UBE2N: variants seen among roughly 807,000 people sequenced by gnomAD.
The protein encoded by UBE2N is ubiquitin-conjugating enzyme E2 N.
For synonymous variants in UBE2N, 70 were observed against 69.2 expected (o/e 1.01, Z -0.06); for missense variants, 60 against 192.1 (o/e 0.31, Z 4.07).
chr12:93,409,553 T>G lies in UBE2N; in HGVS notation c.*486A>C, dbSNP rs937016882. ...AGCTTGTCCATCTACAGCGTCTAAA[T>G]AAAGTTAGACTTGGCTAGAGCATAT... On this transcript the variant is annotated 3_prime_UTR_variant, in exon 4 of 4. Coordinates refer to ENST00000318066, the MANE Select transcript of UBE2N (RefSeq NM_003348.4). 6.0e-6 allele frequency: 1 copy of G among 167,408 alleles called. No homozygotes were observed. The highest frequency in any genetic ancestry group is 2.4e-5 in the African/African-American group (1 of 41,384). The allele number at this position is 167,408 out of a possible 1,614,324, so 10.4% of individuals were successfully genotyped here.
chr12:93,427,335 C>T (rs73366061), intron 1 of UBE2N, among the ~76,000 whole-genome samples: 2,897 of 152,322 alleles, frequency 0.019, 99 homozygotes, highest in African/African-American at 0.067. Flanking sequence ...TACAGATTAC[C>T]TATCTCCTAA....
At chr12:93,415,974 A>G (rs1233699751) in intron 1 of UBE2N, among the ~76,000 whole-genome samples, 2 of 152,252 alleles carry the variant, frequency 1.3e-5, no homozygotes, top group Non-Finnish European at 2.9e-5. Context: ...TAAAGAATGT[A>G]CATATTAAGC....
At chr12:93,435,109 T>C (rs1878895278) in intron 1 of UBE2N, among the ~76,000 whole-genome samples, 1 of 152,114 alleles carries the variant, frequency 6.6e-6, no homozygotes, top group South Asian at 2.1e-4. Flanking sequence ...TTCTGAAACA[T>C]CATGGTAACT....
intron 1 of UBE2N, among the ~76,000 whole-genome samples, chr12:93,413,070 G>A (rs1490330366): frequency 6.6e-6 from 1 of 152,132 alleles, no homozygotes; most frequent in Non-Finnish European, 1.5e-5. Context: ...CTTCTGTCTT[G>A]AACATACCCT....
At chr12:93,429,386 GTC>G (rs1878689431) in intron 1 of UBE2N, 1 of 393,240 alleles carries the variant, frequency 2.5e-6, no homozygotes, top group African/African-American at 2.1e-5. Flanking sequence ...TTTAAAATTA[GTC>G]TGATTCAGTG....
intron 3 of UBE2N, 160 bp downstream of exon 3, chr12:93,410,574 C>T: frequency 1.8e-6 from 2 of 1,113,784 alleles, no homozygotes; most frequent in Non-Finnish European, 2.5e-6. Context: ...GGTCCCATAG[C>T]AAGCCATTTT....
chr12:93,438,916 T>C (rs1204790980), intron 1 of UBE2N, among the ~76,000 whole-genome samples: 1 of 152,198 alleles, frequency 6.6e-6, no homozygotes. Context: ...GACAGGGGAA[T>C]GTTACACTAA....
rs993226790 is a variant in UBE2N at position 93,434,886 on chromosome 12, G to A, written c.30+6969C>T. On this transcript the variant is annotated intron_variant, in intron 1 of 3. Coordinates refer to ENST00000318066, the MANE Select transcript of UBE2N (RefSeq NM_003348.4). ...AACAAATCTGTCTTCATCATAATGA[G>A]TTTGTATTTATTTATTTATTTATTT... Among the ~76,000 whole-genome samples, 8 of 150,830 alleles carry A rather than the reference G, an allele frequency of 5.3e-5. No homozygotes were observed. In the South Asian group the frequency reaches 6.2e-4, roughly 12 times the overall value.
chr12:93,414,448 CAAAA>C (rs398020640), intron 1 of UBE2N, among the ~76,000 whole-genome samples: 31 of 73,988 alleles, frequency 4.2e-4, no homozygotes, highest in African/African-American at 1.1e-3. Context: ...AGCTCCGTCT[CAAAA>C]AAAAAAAAAA....
rs953369961 is a variant in UBE2N at position 93,409,032 on chromosome 12, A to G, written c.*1007T>C. On this transcript the variant is annotated 3_prime_UTR_variant, in exon 4 of 4. Transcript: ENST00000318066. Reference sequence around the variant, plus strand: ...TTTGCTGTGACTTTCCTGTACAGTAATTTTTAAACATTGTGGCAAGACACC... The same window carrying G: ...TTTGCTGTGACTTTCCTGTACAGTAGTTTTTAAACATTGTGGCAAGACACC... 3 of 152,668 alleles carry G rather than the reference A, an allele frequency of 2.0e-5. No homozygotes were observed. Among genetic ancestry groups the G allele is most frequent in the Non-Finnish European group, 2.9e-5 (2 of 68,044 alleles). The allele number at this position is 152,668 out of a possible 1,614,324, so 9.5% of individuals were successfully genotyped here. A position where few individuals can be genotyped will look rare whatever the true frequency, so the allele number is the denominator to read the frequency against.
intron 1 of UBE2N, among the ~76,000 whole-genome samples, chr12:93,423,445 C>A (rs189885285): frequency 1.4e-3 from 213 of 152,174 alleles, no homozygotes; most frequent in Non-Finnish European, 2.2e-3. Flanking sequence ...TAAATGAAGT[C>A]AAAAGAGGAG....
intron 1 of UBE2N, among the ~76,000 whole-genome samples, chr12:93,434,060 AG>A (rs776638444): frequency 2.0e-5 from 3 of 152,218 alleles, no homozygotes; most frequent in Non-Finnish European, 2.9e-5. Context: ...TAGGAGGCCG[AG>A]GTGGGTGGAT....
chr12:93,411,013 A>G (rs1878017830), intron 2 of UBE2N, 40 bp downstream of exon 2: 1 of 1,614,016 alleles, frequency 6.2e-7, no homozygotes, highest in Non-Finnish European at 8.5e-7. Context: ...AAAAAGGAGA[A>G]AGCTTAATAA....
Position 93,411,180 on chromosome 12 carries a change from C to G in UBE2N, c.150G>C (p.Gly50=). The change falls in exon 2 of 4, where the codon GGG becomes GGC. Residue 50 remains glycine, a synonymous_variant. Coordinates refer to ENST00000318066, the MANE Select transcript of UBE2N (RefSeq NM_003348.4). ...GAAGGAATAGTTCAAGTTTAAAAGTCCCTCCCTCAAAGGGGGAATCCTGAG... is the reference window on the plus strand; with the variant it reads ...GAAGGAATAGTTCAAGTTTAAAAGTGCCTCCCTCAAAGGGGGAATCCTGAG... ...AGPQDSPFEG[G]TFKLELFLPE... is the part of the protein sequence containing the mutation. 1.2e-6 allele frequency: 2 copies of G among 1,614,174 alleles called. No individual in the cohort carries two copies. Among genetic ancestry groups the G allele is most frequent in the Non-Finnish European group, 1.7e-6 (2 of 1,180,026 alleles).
At chr12:93,425,200 T>G (rs917829112) in intron 1 of UBE2N, among the ~76,000 whole-genome samples, 1 of 152,176 alleles carries the variant, frequency 6.6e-6, no homozygotes, top group African/African-American at 2.4e-5. Flanking sequence ...AAGCTAATAT[T>G]TGGCAGAGCT....
At position 93,441,886 on chromosome 12, in the gene UBE2N, T is replaced by C. The variant is rs1879128824; in HGVS notation, c.-2A>G. The C allele has an allele frequency of 1.9e-6, 3 of 1,578,990 alleles. No homozygotes were observed. The highest frequency in any genetic ancestry group is 2.3e-5 in the South Asian group (2 of 87,492). On this transcript the variant is annotated 5_prime_UTR_variant, in exon 1 of 4. Coordinates refer to ENST00000318066, the MANE Select transcript of UBE2N (RefSeq NM_003348.4). The stretch of plus-strand genomic sequence containing the variant: ...GATCCTGCGGGGCAGCCCGGCCATC[T>C]TGTCAGAACCCGAGTTCGGCCTCTG...
chr12:93,417,455 G>A lies in UBE2N; in HGVS notation c.31-6156C>T, dbSNP rs184951732. Among the ~76,000 whole-genome samples the A allele has an allele frequency of 5.3e-5, 8 of 152,332 alleles. No individual in the cohort carries two copies. In the East Asian group the frequency reaches 5.8e-4, roughly 11 times the overall value. ...TTCTGCAAGGCAATGATTGGAGTAT[G>A]TACAGTAAAATTTTGGGGTAATAAA... On this transcript the variant is annotated intron_variant, in intron 1 of 3. Coordinates refer to ENST00000318066, the MANE Select transcript of UBE2N (RefSeq NM_003348.4).
At chr12:93,440,356 C>G (rs1358151465) in intron 1 of UBE2N, among the ~76,000 whole-genome samples, 1 of 152,174 alleles carries the variant, frequency 6.6e-6, no homozygotes, top group East Asian at 1.9e-4. Context: ...GATAAATCCA[C>G]ACACAACAAA....
chr12:93,438,335 TG>T (rs145369844), intron 1 of UBE2N, among the ~76,000 whole-genome samples: 20,391 of 152,052 alleles, frequency 0.13, 1,803 homozygotes, highest in Non-Finnish European at 0.19. Context: ...AAAGGGAAAC[TG>T]GTTTATACGG....
Sources: allele counts gnomAD v4.1 joint callset (sites outside exome capture counted in the v4.1 genomes callset), GRCh38; gene constraint gnomAD v4.1.1; transcripts MANE v1.5; gene names NCBI Gene and HGNC (gene_info 2026-07-23, HGNC 2026-07-21).